Variants in MFN2 observed in about 807,000 individuals in gnomAD.
The protein encoded by MFN2 is mitofusin-2.
MFN2 carries 43 observed loss-of-function variants against 87.5 expected under a neutral mutation model. That is an observed-to-expected ratio of 0.49 (90% CI 0.38 to 0.63). MFN2 has a LOEUF of 0.63. Ranked by LOEUF, MFN2 falls within the 30% of genes least tolerant of loss-of-function variation. The probability of loss-of-function intolerance (pLI) is 0.00; values close to 1 mark genes in which losing one functional copy is unlikely to be tolerated. For missense variants in MFN2, 743 were observed against 972.8 expected, an observed-to-expected ratio of 0.76 and a Z score of 3.14; for synonymous variants, 337 against 359.9, an observed-to-expected ratio of 0.94 and a Z score of 0.72.
Position 12,000,705 on chromosome 1 carries a change from C to T in MFN2, c.817-696C>T, listed in dbSNP as rs149251318. The stretch of plus-strand genomic sequence containing the variant: ...AGCCAGGAGGGATGTTCTAGTGATG[C>T]CCACTCCTTTTATAAACAATGCCCC... On this transcript the variant is annotated intron_variant, in intron 8 of 18. Coordinates refer to ENST00000235329, the MANE Select transcript of MFN2 (RefSeq NM_014874.4). Among the ~76,000 whole-genome samples the T allele has an allele frequency of 5.9e-5, 9 of 152,282 alleles. No individual in the cohort carries two copies. The East Asian group carries it at 1.7e-3, about 29-fold the overall frequency.
chr1:12,008,429 C>T (rs1201894038), intron 17 of MFN2, among the ~76,000 whole-genome samples: 25 of 142,700 alleles, frequency 1.8e-4, no homozygotes, highest in Non-Finnish European at 3.0e-4. Flanking sequence ...GCTGACCCCC[C>T]CCACCTCCCT....
At chr1:11,986,218 T>C (rs1638400478) in intron 2 of MFN2, among the ~76,000 whole-genome samples, 2 of 152,166 alleles carry the variant, frequency 1.3e-5, no homozygotes, top group African/African-American at 4.8e-5. Flanking sequence ...CTCTTCCGGG[T>C]GTTCTTTCTG....
chr1:11,987,880 G>A (rs959366841), intron 2 of MFN2, among the ~76,000 whole-genome samples: 7 of 152,184 alleles, frequency 4.6e-5, no homozygotes, highest in Admixed American at 3.9e-4. Context: ...GGACCCAAGA[G>A]GTTGAGGCTG....
At chr1:11,982,271 T>G (rs1328426798) in intron 2 of MFN2, among the ~76,000 whole-genome samples, 157 bp downstream of exon 2, 3 of 152,210 alleles carry the variant, frequency 2.0e-5, no homozygotes, top group Non-Finnish European at 4.4e-5. Flanking sequence ...TATCTTTTAC[T>G]TCCGTGAAGG....
Position 12,003,874 on chromosome 1 carries a change from T to C in MFN2, c.1161-118T>C. 1 of 1,349,990 alleles carries C rather than the reference T, an allele frequency of 7.4e-7. No homozygotes were observed. The highest frequency in any genetic ancestry group is 2.4e-4 in the Middle Eastern group (1 of 4,226). 83.6% of individuals were successfully genotyped at this position (1,349,990 alleles called of 1,614,324 possible). A position where few individuals can be genotyped will look rare whatever the true frequency, so the allele number is the denominator to read the frequency against. On this transcript the variant is annotated intron_variant, in intron 11 of 18. Transcript: ENST00000235329. This position sits in a 1 kb window ranked among gnomAD's most constrained non-coding sequence, Gnocchi z 4.1. ...GGAAGGCCATGCCCCTGGGTGCGTG[T>C]GTGCAGCCCTGCCAGGCAAGATAGC...
chr1:11,991,240 C>T (rs2100808308), intron 3 of MFN2, among the ~76,000 whole-genome samples: 1 of 152,264 alleles, frequency 6.6e-6, no homozygotes, highest in East Asian at 1.9e-4. Flanking sequence ...GTGCTGGGGT[C>T]AGATAGTGTG....
At chr1:11,989,412 G>C (rs1638578791) in intron 3 of MFN2, 69 bp downstream of exon 3, 11 of 1,561,166 alleles carry the variant, frequency 7.0e-6, no homozygotes, top group South Asian at 4.5e-5. Context: ...GGATTTGCGG[G>C]TGGGGAGGTA....
intron 2 of MFN2, among the ~76,000 whole-genome samples, chr1:11,987,785 A>C (rs1462475409): frequency 1.3e-5 from 2 of 151,798 alleles, no homozygotes; most frequent in African/African-American, 2.4e-5. Flanking sequence ...CTGTCTCTAC[A>C]AAAAATTTTA....
chr1:12,004,099 C>T lies in MFN2; in HGVS notation c.1268C>T (p.Thr423Met), dbSNP rs8192303. The T allele has an allele frequency of 1.9e-6, 3 of 1,614,068 alleles. No individual in the cohort carries two copies. The highest frequency in any genetic ancestry group is 2.5e-6 in the Non-Finnish European group (3 of 1,180,026). The change falls in exon 12 of 19, where the codon ACG becomes ATG. Residue 423 changes from threonine (T) to methionine (M), a missense_variant. By Grantham distance (81) the Thr-to-Met change is moderately conservative (BLOSUM62 -1). Around this residue, in one of 3 missense-constraint regions of MFN2, gnomAD observed 571 missense variants for 670.7 expected, o/e 0.85. Coordinates refer to ENST00000235329, the MANE Select transcript of MFN2 (RefSeq NM_014874.4). The surrounding 1 kb of genome is among the most constrained non-coding windows in gnomAD (Gnocchi z 4.2). ...TATAAGCTGCGAATTAAGCAGATTA[C>T]GGAGGAAGTGGAGAGGCAGGTGAGA... ...QDYKLRIKQI[T>M]EEVERQVSTA...
In MFN2 at chr1:12,013,084, T is replaced by A. The variant is rs1639756125; in HGVS notation, c.*1519T>A. On this transcript the variant is annotated 3_prime_UTR_variant, in exon 19 of 19. Coordinates refer to ENST00000235329, the MANE Select transcript of MFN2 (RefSeq NM_014874.4). Reference sequence around the variant, plus strand: ...GATGGACTCTGCCAGGTGGACATGCTGTGGGTGGATGTTCCCGGCGTGTGC... The same window carrying A: ...GATGGACTCTGCCAGGTGGACATGCAGTGGGTGGATGTTCCCGGCGTGTGC... 2.9e-6 allele frequency: 1 copy of A among 341,916 alleles called. No homozygotes were observed. 21.2% of individuals were successfully genotyped at this position (341,916 alleles called of 1,614,324 possible). A position where few individuals can be genotyped will look rare whatever the true frequency, so the allele number is the denominator to read the frequency against.
Position 11,997,407 on chromosome 1 carries a change from C to T in MFN2, c.585C>T (p.Leu195=), listed in dbSNP as rs200719689. ...AGTGCCCACTTCTGAAGGATGACCT[C>T]GTTTTGATGGACAGGTAAGAGGGAG... The part of the protein sequence containing the change: ...NSKCPLLKDD[L]VLMDSPGIDV... Residue 195 remains leucine, a synonymous_variant, in exon 6 of 19, where the codon CTC becomes CTT. Coordinates refer to ENST00000235329, the MANE Select transcript of MFN2 (RefSeq NM_014874.4). 1.9e-5 allele frequency: 31 copies of T among 1,614,012 alleles called. No homozygotes were observed. The highest frequency in any genetic ancestry group is 1.6e-4 in the East Asian group (7 of 44,902).
chr1:11,993,115 T>C (rs1638763891), intron 4 of MFN2, among the ~76,000 whole-genome samples: 1 of 151,500 alleles, frequency 6.6e-6, no homozygotes, highest in Admixed American at 6.6e-5. Flanking sequence ...GCTTGTATTA[T>C]AGCCATTAAA....
In MFN2 at chr1:12,005,740, G is replaced by T. The variant is rs945014959; in HGVS notation, c.1525G>T (p.Val509Leu). ...CTTGAAACCCCTCCTTCCTGTGTCT[G>T]TGCGGAGTCAGATAGACATGCTGGT... ...DGLKPLLPVS[V>L]RSQIDMLVPR... The change falls in exon 15 of 19, where the codon GTG (valine) becomes TTG (leucine). Residue 509 changes from valine (V) to leucine (L), a missense_variant. Physicochemically the swap from Val to Leu is conservative, Grantham distance 32. Transcript: ENST00000235329. 1 of 1,614,192 alleles carries T rather than the reference G, an allele frequency of 6.2e-7. No individual in the cohort carries two copies. The highest frequency in any genetic ancestry group is 8.5e-7 in the Non-Finnish European group (1 of 1,180,040).
At chr1:11,986,467 C>CT (rs1638409790) in intron 2 of MFN2, among the ~76,000 whole-genome samples, 1 of 152,100 alleles carries the variant, frequency 6.6e-6, no homozygotes, top group Admixed American at 6.5e-5. Context: ...TTGGTGGGCT[C>CT]TGCTCAAGAA....
At position 12,008,423 on chromosome 1, in the gene MFN2, A is replaced by AC. The variant is rs372992677; in HGVS notation, c.2070-1161dup. ...GGGGTGGCTGGCCGGGCGGGGGCTG[A>AC]CCCCCCCCACCTCCCTCCCGGACGG... is the stretch of plus-strand genomic sequence containing the variant. On this transcript the variant is annotated intron_variant, in intron 17 of 18. Coordinates refer to ENST00000235329, the MANE Select transcript of MFN2 (RefSeq NM_014874.4). Among the ~76,000 whole-genome samples the AC allele has an allele frequency of 1.5e-3, 214 of 139,772 alleles. 1 individual carries two copies. The highest frequency in any genetic ancestry group is 5.1e-3 in the African/African-American group (182 of 35,756). The allele number at this position is 139,772 out of a possible 152,430, so 91.7% of individuals were successfully genotyped here. A position where few individuals can be genotyped will look rare whatever the true frequency, so the allele number is the denominator to read the frequency against.
At chr1:11,997,253 G>A (rs1638952052) in intron 5 of MFN2, 44 bp from the exon 6 acceptor site, 1 of 1,612,762 alleles carries the variant, frequency 6.2e-7, no homozygotes, top group Middle Eastern at 1.7e-4. Flanking sequence ...CTCCTGGCCT[G>A]GTGGTTCCTC....
chr1:11,983,814 ACTTG>A (rs1638259032), intron 2 of MFN2, among the ~76,000 whole-genome samples: 1 of 152,196 alleles, frequency 6.6e-6, no homozygotes, highest in Admixed American at 6.5e-5. Context: ...AGCGGGTGAC[ACTTG>A]AGTTGGGTCT....
At chr1:11,980,689 TG>T (rs1305720134) in intron 1 of MFN2, among the ~76,000 whole-genome samples, 1 of 152,176 alleles carries the variant, frequency 6.6e-6, no homozygotes, top group African/African-American at 2.4e-5. Flanking sequence ...GACTGGTCGG[TG>T]GGGTCCCCTG....
intron 8 of MFN2, among the ~76,000 whole-genome samples, chr1:12,000,340 C>G (rs980972027): frequency 1.3e-5 from 2 of 151,994 alleles, no homozygotes; most frequent in African/African-American, 2.4e-5. Context: ...CAGGCACCCG[C>G]CACCACACCT....
Sources: gnomAD v4.1 joint callset for allele counts (sites outside exome capture counted in the v4.1 genomes callset) on GRCh38, gnomAD v4.1.1 for gene constraint, gnomAD v4.1.1 regional missense constraint, Gnocchi (gnomAD v3.1) non-coding constraint, MANE v1.5 for transcripts, NCBI Gene and HGNC (gene_info 2026-07-23, HGNC 2026-07-21) for gene names.